MEGF11: variants seen among roughly 807,000 people sequenced by gnomAD.
MEGF11 encodes multiple EGF like domains 11.
Under a neutral mutation model 146.6 loss-of-function variants are expected in MEGF11, and 126 were observed. That is an observed-to-expected ratio of 0.86 (90% CI 0.74 to 1.00). MEGF11 has a LOEUF of 1.00. Among genes scored for constraint, MEGF11 ranks in the 50% least tolerant of loss-of-function variants. The pLI, the probability that MEGF11 is intolerant of heterozygous loss-of-function variation, is 0.00. For synonymous variants in MEGF11, 532 were observed against 583.4 expected (o/e 0.91, Z 1.27); for missense variants, 1,509 against 1,521.2 (o/e 0.99, Z 0.13).
intron 1 of MEGF11, 129 bp from the exon 2 acceptor site, chr15:66,128,540 A>G: frequency 4.2e-6 from 2 of 479,396 alleles, no homozygotes; most frequent in East Asian, 3.5e-5. Context: ...ACACTGTAAC[A>G]GTTCACTGGT....
rs78943012 is a variant in MEGF11, at chr15:66,204,485, C to G, written c.-9+49120G>C. ...TTTCCAGGCCTTGTGATACCAGTAG[C>G]AAACCTAGATTTTAGCTGCTGAGTG... is the stretch of plus-strand genomic sequence containing the variant. On this transcript the variant is annotated intron_variant, in intron 1 of 25. Transcript: ENST00000395614. Among the ~76,000 whole-genome samples the G allele has an allele frequency of 1.5e-3, 221 of 152,260 alleles. 2 individuals are homozygous for G. Among genetic ancestry groups the G allele is most frequent in the African/African-American group, 5.2e-3 (218 of 41,542 alleles).
chr15:65,946,971 C>T (rs1440981752), intron 10 of MEGF11, among the ~76,000 whole-genome samples: 1 of 152,218 alleles, frequency 6.6e-6, no homozygotes, highest in Non-Finnish European at 1.5e-5. Flanking sequence ...TTATATCTCC[C>T]TCCTCAGAAC....
intron 5 of MEGF11, among the ~76,000 whole-genome samples, chr15:66,040,647 G>A (rs1597019258): frequency 6.6e-6 from 1 of 152,294 alleles, no homozygotes. Flanking sequence ...GCTAAATGGG[G>A]AGGGTGAAGC....
chr15:66,211,064 G>A (rs1013571062), intron 1 of MEGF11, among the ~76,000 whole-genome samples: 9 of 152,208 alleles, frequency 5.9e-5, no homozygotes, highest in African/African-American at 1.9e-4. Flanking sequence ...GAAGAGAGGG[G>A]CTTTGGCCCT....
intron 1 of MEGF11, among the ~76,000 whole-genome samples, chr15:66,187,104 A>G (rs1448667125): frequency 2.0e-5 from 3 of 152,274 alleles, no homozygotes; most frequent in Non-Finnish European, 2.9e-5. Flanking sequence ...GTGATGGTAC[A>G]TGGAAAGCAG....
intron 10 of MEGF11, among the ~76,000 whole-genome samples, chr15:65,951,165 C>T (rs1023290408): frequency 5.3e-5 from 8 of 152,008 alleles, no homozygotes; most frequent in Admixed American, 2.0e-4. Context: ...TGGTTAATTC[C>T]GAAGAGAGGA....
At chr15:66,019,838 G>A (rs938163711) in intron 5 of MEGF11, among the ~76,000 whole-genome samples, 2 of 152,226 alleles carry the variant, frequency 1.3e-5, no homozygotes, top group Non-Finnish European at 2.9e-5. Context: ...CTTAGAGCCA[G>A]GGTGTGGGTT....
In MEGF11 at chr15:66,023,140, C is replaced by CAA. The variant is rs375962533; in HGVS notation, c.395-40654_395-40653dup. ...TGGGCAACAAAGTGAGACTCCATCT[C>CAA]AAAAAAAAAAAAAAACAAACTTGTT... is the stretch of plus-strand genomic sequence containing the variant. On this transcript the variant is annotated intron_variant, in intron 5 of 25. Coordinates refer to ENST00000395614, the MANE Select transcript of MEGF11 (RefSeq NM_001385028.1). Among the ~76,000 whole-genome samples the CAA allele has an allele frequency of 1.9e-3, 239 of 123,698 alleles. 30 individuals carry two copies. The highest frequency in any genetic ancestry group is 4.4e-3 in the East Asian group (19 of 4,338). The allele number at this position is 123,698 out of a possible 152,430, so 81.2% of individuals were successfully genotyped here. A position where few individuals can be genotyped will look rare whatever the true frequency, so the allele number is the denominator to read the frequency against.
At chr15:66,033,615 C>T (rs1382871420) in intron 5 of MEGF11, among the ~76,000 whole-genome samples, 2 of 152,164 alleles carry the variant, frequency 1.3e-5, no homozygotes, top group Non-Finnish European at 1.5e-5. Flanking sequence ...GTCTGGGTAC[C>T]CAGGCATAGG....
chr15:66,001,646 C>T (rs1483747467), intron 5 of MEGF11, among the ~76,000 whole-genome samples: 1 of 152,044 alleles, frequency 6.6e-6, no homozygotes, highest in Non-Finnish European at 1.5e-5. Context: ...CTTTCTTTCT[C>T]TCTCATCTCC....
intron 10 of MEGF11, among the ~76,000 whole-genome samples, chr15:65,952,364 A>G (rs142697937): frequency 2.0e-5 from 3 of 152,284 alleles, no homozygotes; most frequent in East Asian, 3.9e-4. Flanking sequence ...TGTGATGCCA[A>G]CCTGCAAGTG....
In MEGF11 at chr15:65,915,457, A is replaced by C; in HGVS notation, c.2473+13T>G. 6.2e-7 allele frequency: 1 copy of C among 1,613,196 alleles called. No individual in the cohort carries two copies. The highest frequency in any genetic ancestry group is 8.5e-7 in the Non-Finnish European group (1 of 1,179,498). ...TTTCCACAGACCCCGGGGCTCTGCC[A>C]CGTGTGTATTACCTTGGTCACACCT... On this transcript the variant is annotated intron_variant, in intron 19 of 25. Coordinates refer to ENST00000395614, the MANE Select transcript of MEGF11 (RefSeq NM_001385028.1).
chr15:65,915,655 C>A, intron 18 of MEGF11, 57 bp from the exon 19 acceptor site: 2 of 1,590,334 alleles, frequency 1.3e-6, no homozygotes, highest in South Asian at 2.3e-5. Flanking sequence ...CCCTCCCCTT[C>A]CATGTTTAGA....
chr15:66,070,723 C>G (rs1489972711), intron 5 of MEGF11, among the ~76,000 whole-genome samples: 1 of 152,134 alleles, frequency 6.6e-6, no homozygotes, highest in Admixed American at 6.5e-5. Context: ...ACTATATCAC[C>G]TCTCAGTCTC....
chr15:66,101,163 T>C (rs1036191295), intron 4 of MEGF11, among the ~76,000 whole-genome samples: 5 of 152,032 alleles, frequency 3.3e-5, no homozygotes, highest in African/African-American at 1.2e-4. Flanking sequence ...TTCTTCCACA[T>C]GTCAGGGACA....
intron 5 of MEGF11, among the ~76,000 whole-genome samples, chr15:66,047,953 G>GTTTTT (rs112189578): frequency 6.9e-6 from 1 of 145,598 alleles, no homozygotes; most frequent in Non-Finnish European, 1.5e-5. Context: ...TGGGAGGAGT[G>GTTTTT]TTTTTTTTTT....
intron 1 of MEGF11, among the ~76,000 whole-genome samples, chr15:66,216,668 G>A (rs1472533610): frequency 6.6e-6 from 1 of 152,182 alleles, no homozygotes; most frequent in Non-Finnish European, 1.5e-5. Context: ...CCTGGAAGCA[G>A]CTGACAGTCA....
intron 1 of MEGF11, among the ~76,000 whole-genome samples, chr15:66,163,118 C>T (rs1274196854): frequency 1.3e-5 from 2 of 152,172 alleles, no homozygotes; most frequent in African/African-American, 2.4e-5. Context: ...CCAACGTCTA[C>T]GGTTACCGCC....
In MEGF11 at chr15:65,979,831, A is replaced by C. The variant is rs1170585021; in HGVS notation, c.762+947T>G. 2.6e-5 allele frequency among the ~76,000 whole-genome samples: 4 copies of C among 152,098 alleles called. No homozygotes were observed. In the East Asian group the frequency reaches 7.7e-4, roughly 29 times the overall value. Reference sequence around the variant, plus strand: ...GGGCAGGGCTCACTGTTGTTATATCAGTTTTGTACTTGGGGGAAGGGGAGT... The same window carrying C: ...GGGCAGGGCTCACTGTTGTTATATCCGTTTTGTACTTGGGGGAAGGGGAGT... On this transcript the variant is annotated intron_variant, in intron 7 of 25. Transcript: ENST00000395614.
Sources: allele counts gnomAD v4.1 joint callset (sites outside exome capture counted in the v4.1 genomes callset), GRCh38; gene constraint gnomAD v4.1.1; transcripts MANE v1.5; gene names NCBI Gene and HGNC (gene_info 2026-07-23, HGNC 2026-07-21).